The following PCF11 variants were observed in gnomAD, a reference collection of about 807,000 sequenced individuals.
The protein encoded by PCF11 is PCF11 cleavage and polyadenylation factor subunit.
A neutral mutation model predicts 166.1 loss-of-function variants in PCF11; 19 were observed. The ratio of observed to expected loss-of-function variants is 0.11; its 90% CI spans 0.08 to 0.17. PCF11 has a LOEUF of 0.17. PCF11 is among the 10% of genes least tolerant of loss of function. The probability of loss-of-function intolerance (pLI) is 1.00; values close to 1 mark genes in which losing one functional copy is unlikely to be tolerated. For missense variants in PCF11, 1,565 were observed against 1,855.5 expected, an observed-to-expected ratio of 0.84 and a Z score of 2.88; for synonymous variants, 663 against 644.1, an observed-to-expected ratio of 1.03 and a Z score of -0.44.
exon 16 of PCF11, chr11:83,186,658 A>AT (rs139559219): frequency 3.3e-5 from 5 of 152,142 alleles, no homozygotes; most frequent in South Asian, 2.1e-4. Context: ...AAGCTTTTTT[A>AT]TTTTTTTAAG....
Position 83,169,666 on chromosome 11 carries a change from C to T in PCF11, c.3331C>T (p.Leu1111Phe), listed in dbSNP as rs370763256. ...ATCAAGGTTTGATATTCCTCTTGGT[C>T]TTCAAGGCACAAGATTTGACAATCA... Residue 1111 changes from leucine to phenylalanine, a missense_variant, in exon 8 of 16, where the codon CTT becomes TTT. Leu to Phe is a conservative substitution (Grantham distance 22). This residue lies in a region of PCF11 where 725 missense variants were observed against 749.3 expected (regional missense o/e 0.97). Transcript: ENST00000298281. The T allele has an allele frequency of 3.1e-6, 5 of 1,613,830 alleles. No individual in the cohort carries two copies. The highest frequency in any genetic ancestry group is 3.4e-6 in the Non-Finnish European group (4 of 1,179,870).
intron 15 of PCF11, among the ~76,000 whole-genome samples, chr11:83,183,821 G>A (rs577871055): frequency 2.0e-5 from 3 of 152,012 alleles, no homozygotes; most frequent in Admixed American, 6.5e-5. Context: ...GATCACATAC[G>A]GAATCTAAAA....
At chr11:83,163,756 T>C (rs920425693) in exon 3 of PCF11, 1 of 1,596,388 alleles carries the variant, frequency 6.3e-7, no homozygotes, top group African/African-American at 1.3e-5. Context: ...AGAAACTTTA[T>C]GCCCTGGATG....
At chr11:83,172,565 G>A (rs1860725830) in intron 9 of PCF11, among the ~76,000 whole-genome samples, 1 of 152,106 alleles carries the variant, frequency 6.6e-6, no homozygotes, top group Middle Eastern at 3.2e-3. Context: ...TGGGACTACA[G>A]GCGTGTGCCA....
At position 83,157,725 on chromosome 11, in the gene PCF11, C is replaced by T. The variant is rs1208569207; in HGVS notation, c.192+94C>T. The T allele has an allele frequency of 6.8e-6, 8 of 1,182,518 alleles. No homozygotes were observed. In the Admixed American group the frequency reaches 1.4e-4, roughly 21 times the overall value. 73.3% of individuals were successfully genotyped at this position (1,182,518 alleles called of 1,614,324 possible). The stretch of plus-strand genomic sequence containing the variant: ...GGTCTCGCTTCCATCCCAAGGGGGA[C>T]AGTGTTCCTTCTCTCCAACCCCCCC... On this transcript the variant is annotated intron_variant, in intron 1 of 15. Transcript: ENST00000298281.
chr11:83,157,305 C>A, exon 1 of PCF11: 1 of 737,716 alleles, frequency 1.4e-6, no homozygotes, highest in Non-Finnish European at 2.2e-6. Flanking sequence ...CCCCATCCCC[C>A]CTCCGCGGTC....
At position 83,164,380 on chromosome 11, in the gene PCF11, A is replaced by G. The variant is rs372308057; in HGVS notation, c.681A>G (p.Leu227=). The change falls in exon 4 of 16, where the codon CTA becomes CTG. Residue 227 remains leucine, a synonymous_variant. Transcript: ENST00000298281. ...AGCAGAAAAAGCTGGAGCTTGAGCT[A>G]GAGCAAGCTAAGGCACAGTTGGTAA... The G allele has an allele frequency of 5.6e-6, 9 of 1,613,044 alleles. No individual in the cohort carries two copies. In the African/African-American group the frequency reaches 8.0e-5, roughly 14 times the overall value.
chr11:83,182,989 C>T, intron 14 of PCF11, 49 bp from the exon 15 acceptor site: 1 of 984,962 alleles, frequency 1.0e-6, no homozygotes, highest in Non-Finnish European at 1.6e-6. Context: ...TCAGAATAGC[C>T]CATTAGAAAT....
At chr11:83,159,973 A>G (rs1326492296) in intron 1 of PCF11, among the ~76,000 whole-genome samples, 1 of 152,216 alleles carries the variant, frequency 6.6e-6, no homozygotes, top group Non-Finnish European at 1.5e-5. Flanking sequence ...AAATGGTGTA[A>G]AACATGACAT....
At chr11:83,174,402 T>A (rs1418519712) in intron 9 of PCF11, among the ~76,000 whole-genome samples, 1 of 136,484 alleles carries the variant, frequency 7.3e-6, no homozygotes, top group East Asian at 2.2e-4. Context: ...TTTTTTTTTT[T>A]AAAGAGGGTG....
chr11:83,181,278 T>G (rs1246192225), intron 12 of PCF11, 87 bp downstream of exon 12: 1 of 403,182 alleles, frequency 2.5e-6, no homozygotes, highest in Non-Finnish European at 4.0e-6. Flanking sequence ...TTATTAAAAT[T>G]TAATTTTAAT....
At chr11:83,181,099 G>A in exon 12 of PCF11, 1 of 1,608,248 alleles carries the variant, frequency 6.2e-7, no homozygotes, top group Non-Finnish European at 8.5e-7. Context: ...AGATGTTTAT[G>A]CAGATCATTT....
exon 3 of PCF11, chr11:83,163,766 G>A: frequency 6.3e-7 from 1 of 1,595,114 alleles, no homozygotes; most frequent in East Asian, 2.3e-5. Context: ...TGCCCTGGAT[G>A]TCAGAGTCAA....
chr11:83,172,049 T>C lies in PCF11; in HGVS notation c.3757+135T>C. The C allele has an allele frequency of 6.5e-6, 4 of 612,272 alleles. No homozygotes were observed. The South Asian group carries it at 8.1e-5, about 12-fold the overall frequency. The allele number at this position is 612,272 out of a possible 1,614,324, so 37.9% of individuals were successfully genotyped here. On this transcript the variant is annotated intron_variant, in intron 9 of 15. Transcript: ENST00000298281. The stretch of plus-strand genomic sequence containing the variant: ...TTAGAGAAATTTAATCTGGCTGACA[T>C]ATTTTTGTTCCTTTTCTAAGTTTAT...
exon 8 of PCF11, chr11:83,169,025 A>G: frequency 6.2e-7 from 1 of 1,613,864 alleles, no homozygotes; most frequent in Non-Finnish European, 8.5e-7. Flanking sequence ...CCTCATGGTC[A>G]GCCTGTGGGT....
chr11:83,159,543 A>G (rs577294420), intron 1 of PCF11, among the ~76,000 whole-genome samples: 1 of 152,310 alleles, frequency 6.6e-6, no homozygotes, highest in Non-Finnish European at 1.5e-5. Flanking sequence ...GTGTTTGTAT[A>G]TCGCTACACA....
chr11:83,186,817 A>C (rs1301559219), exon 16 of PCF11: 1 of 152,230 alleles, frequency 6.6e-6, no homozygotes, highest in Non-Finnish European at 1.5e-5. Flanking sequence ...GAATCCAAAA[A>C]TGTAGGCAAA....
chr11:83,179,133 T>C (rs1860994426), intron 11 of PCF11, among the ~76,000 whole-genome samples: 1 of 152,126 alleles, frequency 6.6e-6, no homozygotes, highest in Non-Finnish European at 1.5e-5. Flanking sequence ...AGTAATACTT[T>C]CACATAAAGG....
At chr11:83,166,235 A>T in exon 5 of PCF11, 1 of 1,613,504 alleles carries the variant, frequency 6.2e-7, no homozygotes, top group Non-Finnish European at 8.5e-7. Flanking sequence ...CTGGAAGTAG[A>T]AATAAAATCA....
Sources: allele counts gnomAD v4.1 joint callset (sites outside exome capture counted in the v4.1 genomes callset), GRCh38; gene constraint gnomAD v4.1.1; regional missense constraint gnomAD v4.1.1; transcripts MANE v1.5; gene names NCBI Gene and HGNC (gene_info 2026-07-23, HGNC 2026-07-21).